The following ADD3 variants were observed in gnomAD, a reference collection of about 807,000 sequenced individuals.
ADD3 encodes adducin 3, also known as gamma-adducin.
In ADD3, 25 loss-of-function variants were observed where a neutral mutation model predicts 80.2. The observed-to-expected ratio is 0.31, with a 90% confidence interval of 0.23 to 0.44. ADD3 has a LOEUF of 0.44. ADD3 is among the 20% of genes least tolerant of loss of function. ADD3 has a pLI of 1.00. For synonymous variants in ADD3, 284 were observed against 289.6 expected (o/e 0.98, Z 0.20); for missense variants, 829 against 847.5 (o/e 0.98, Z 0.27).
At chr10:110,123,943 C>CA in intron 9 of ADD3, 74 bp from the exon 10 acceptor site, 1 of 1,446,998 alleles carries the variant, frequency 6.9e-7, no homozygotes. Flanking sequence ...CATTTGTATA[C>CA]AAAAGGAATT....
At chr10:110,115,426 G>A (rs1850605338) in intron 3 of ADD3, among the ~76,000 whole-genome samples, 1 of 152,014 alleles carries the variant, frequency 6.6e-6, no homozygotes, top group Non-Finnish European at 1.5e-5. Flanking sequence ...AAAATGGGGA[G>A]GAGGACCTGA....
In ADD3 at chr10:110,069,076, T is replaced by TA. The variant is rs546894859; in HGVS notation, c.-29-31537dup. On this transcript the variant is annotated intron_variant, in intron 1 of 14. Transcript: ENST00000356080. ...TGGGCAATAGAGTGGGACCCTGTCT[T>TA]AAAAAAAAAAAATTGCCTGTATCTC... Among the ~76,000 whole-genome samples the TA allele has an allele frequency of 8.6e-3, 1,254 of 146,332 alleles. 11 individuals carry two copies. Among genetic ancestry groups the TA allele is most frequent in the Non-Finnish European group, 0.013 (831 of 66,006 alleles).
intron 1 of ADD3, among the ~76,000 whole-genome samples, chr10:110,027,023 A>G (rs1488393089): frequency 6.6e-6 from 1 of 152,204 alleles, no homozygotes; most frequent in African/African-American, 2.4e-5. Context: ...CAATATTTAG[A>G]ATGAAGATCC....
chr10:110,002,666 T>TA (rs1851509628), upstream of ADD3, among the ~76,000 whole-genome samples: 1 of 152,172 alleles, frequency 6.6e-6, no homozygotes, highest in South Asian at 2.1e-4. Flanking sequence ...TTGTAGCAGT[T>TA]GTTTGCATAT....
At chr10:110,021,789 T>C (rs896641868) in intron 1 of ADD3, among the ~76,000 whole-genome samples, 7 of 152,162 alleles carry the variant, frequency 4.6e-5, no homozygotes, top group African/African-American at 1.7e-4. Context: ...TGGAGCTAGA[T>C]AGTGGTGATG....
chr10:110,094,724 A>T (rs1198202113), intron 1 of ADD3, among the ~76,000 whole-genome samples: 1 of 152,194 alleles, frequency 6.6e-6, no homozygotes, highest in South Asian at 2.1e-4. Context: ...TGATCTAAGG[A>T]TAGTAGCTTG....
chr10:110,036,352 C>T (rs1373818635), intron 1 of ADD3, among the ~76,000 whole-genome samples: 1 of 151,166 alleles, frequency 6.6e-6, no homozygotes, highest in Non-Finnish European at 1.5e-5. Flanking sequence ...TGTGATAATC[C>T]CCTTACATAG....
upstream of ADD3, among the ~76,000 whole-genome samples, chr10:110,006,888 T>G (rs891164192): frequency 2.6e-5 from 4 of 151,664 alleles, no homozygotes; most frequent in African/African-American, 9.7e-5. Context: ...AAGTTTGTTG[T>G]GTGTGTTAGG....
At chr10:110,010,549 G>C (rs539235711) in intron 1 of ADD3, among the ~76,000 whole-genome samples, 3 of 152,206 alleles carry the variant, frequency 2.0e-5, no homozygotes, top group Non-Finnish European at 4.4e-5. Context: ...AGTATGTAAA[G>C]TGACATATCT....
At chr10:110,037,536 C>T (rs958936394) in intron 1 of ADD3, among the ~76,000 whole-genome samples, 2 of 144,538 alleles carry the variant, frequency 1.4e-5, no homozygotes, top group Admixed American at 7.3e-5. Flanking sequence ...ATCTAGGAGA[C>T]GGAGGTTGCA....
upstream of ADD3, chr10:110,006,039 T>G: frequency 4.3e-6 from 1 of 235,194 alleles, no homozygotes; most frequent in Non-Finnish European, 8.6e-6. Flanking sequence ...GCTGTTGGTC[T>G]GAGGCTGCAG....
At chr10:110,099,702 G>A (rs1376049054) in intron 1 of ADD3, among the ~76,000 whole-genome samples, 2 of 152,042 alleles carry the variant, frequency 1.3e-5, no homozygotes, top group East Asian at 3.9e-4. Context: ...CATGCATGTT[G>A]GATAGTTGTT....
At chr10:110,131,816 T>C (rs1203242594) in intron 13 of ADD3, among the ~76,000 whole-genome samples, 1 of 152,196 alleles carries the variant, frequency 6.6e-6, no homozygotes, top group Non-Finnish European at 1.5e-5. Flanking sequence ...ACCGTCACCT[T>C]TTTTATATAA....
intron 10 of ADD3, 72 bp from the exon 11 acceptor site, chr10:110,125,754 A>G: frequency 8.5e-7 from 1 of 1,182,648 alleles, no homozygotes. Context: ...TGAGACTATA[A>G]GCAGTTATCT....
intron 9 of ADD3, among the ~76,000 whole-genome samples, chr10:110,123,540 TTCTTC>T (rs1404077581): frequency 2.0e-5 from 3 of 152,182 alleles, no homozygotes; most frequent in Non-Finnish European, 4.4e-5. Context: ...TTTAATTGGG[TTCTTC>T]TCTTGTTATT....
At chr10:110,098,377 C>G (rs1039612355) in intron 1 of ADD3, among the ~76,000 whole-genome samples, 2 of 152,074 alleles carry the variant, frequency 1.3e-5, no homozygotes, top group African/African-American at 4.8e-5. Context: ...AAATCCTCCC[C>G]CAAAAATGTG....
intron 1 of ADD3, among the ~76,000 whole-genome samples, chr10:110,012,013 C>T (rs1232610425): frequency 6.6e-6 from 1 of 152,262 alleles, no homozygotes; most frequent in Non-Finnish European, 1.5e-5. Context: ...GTTGCTTGAA[C>T]GAAAAAGTGT....
chr10:110,088,846 G>A (rs750092680), intron 1 of ADD3, among the ~76,000 whole-genome samples: 6 of 151,728 alleles, frequency 4.0e-5, no homozygotes, highest in South Asian at 2.1e-4. Flanking sequence ...ACCGTGGCAC[G>A]TCACAATGAC....
intron 1 of ADD3, among the ~76,000 whole-genome samples, chr10:110,083,861 T>G (rs548893961): frequency 2.0e-5 from 3 of 152,326 alleles, no homozygotes; most frequent in Admixed American, 1.3e-4. Flanking sequence ...AATAACACTT[T>G]CTAGCACTTT....
Sources: gnomAD v4.1 joint callset for allele counts (sites outside exome capture counted in the v4.1 genomes callset) on GRCh38, gnomAD v4.1.1 for gene constraint, MANE v1.5 for transcripts, NCBI Gene and HGNC (gene_info 2026-07-23, HGNC 2026-07-21) for gene names.